Variants in FRMPD2 observed in about 807,000 individuals in gnomAD.
FRMPD2 encodes the protein FERM and PDZ domain containing 2.
A neutral mutation model predicts 140.1 loss-of-function variants in FRMPD2; 96 were observed. The observed-to-expected ratio is 0.69, with a 90% confidence interval of 0.58 to 0.81. FRMPD2 has a LOEUF of 0.81. Among genes scored for constraint, FRMPD2 ranks in the 40% least tolerant of loss-of-function variants. The pLI, the probability that FRMPD2 is intolerant of heterozygous loss-of-function variation, is 0.00. For synonymous variants in FRMPD2, 449 were observed against 547.6 expected, an observed-to-expected ratio of 0.82 and a Z score of 2.52; for missense variants, 1,240 against 1,447.4, an observed-to-expected ratio of 0.86 and a Z score of 2.32.
At chr10:48,248,109 GCCTCC>G (rs1283849180) in intron 3 of FRMPD2, among the ~76,000 whole-genome samples, 1 of 152,160 alleles carries the variant, frequency 6.6e-6, no homozygotes, top group Non-Finnish European at 1.5e-5. Flanking sequence ...ATTCCAGAAT[GCCTCC>G]CGAGGGTAGC....
chr10:48,243,648 G>T (rs1366470125), intron 4 of FRMPD2, among the ~76,000 whole-genome samples: 2 of 152,220 alleles, frequency 1.3e-5, no homozygotes, highest in African/African-American at 4.8e-5. Context: ...GGCTCCAGGT[G>T]TGTCTCACTG....
chr10:48,262,312 C>T (rs773218736), intron 1 of FRMPD2, among the ~76,000 whole-genome samples: 31 of 152,108 alleles, frequency 2.0e-4, no homozygotes, highest in Non-Finnish European at 3.1e-4. Flanking sequence ...ATATACTATG[C>T]TAACACAAAT....
chr10:48,256,542 G>A (rs12251755), intron 1 of FRMPD2, among the ~76,000 whole-genome samples: 10,797 of 152,118 alleles, frequency 0.071, 1,292 homozygotes, highest in African/African-American at 0.25. Flanking sequence ...TTCATCTGTG[G>A]CTGGTTAGCG....
chr10:48,249,171 C>T lies in FRMPD2; in HGVS notation c.159G>A (p.Ser53=), dbSNP rs115963067. The T allele has an allele frequency of 4.9e-4, 794 of 1,613,620 alleles. 10 individuals are homozygous for T. The East Asian group carries it at 0.014, about 28-fold the overall frequency. Residue 53 remains serine, a synonymous_variant, in exon 3 of 29, where the codon TCG becomes TCA. Coordinates refer to ENST00000374201, the MANE Select transcript of FRMPD2 (RefSeq NM_001018071.4). The stretch of plus-strand genomic sequence containing the variant: ...CTGACCAGGGGCAAACCACATAGTC[C>T]GAGGAATCTGAAACCAAGCCAGTGA... The part of the protein sequence containing the change: ...QLLEDLRNDS[S]DYVVCPWSAL...
chr10:48,212,715 C>T (rs1839358454), intron 12 of FRMPD2, among the ~76,000 whole-genome samples: 1 of 152,124 alleles, frequency 6.6e-6, no homozygotes, highest in South Asian at 2.1e-4. Flanking sequence ...AAAGGGGAGA[C>T]TGGATACCCC....
intron 27 of FRMPD2, 92 bp from the exon 28 acceptor site, chr10:48,163,763 C>T (rs568261655): frequency 1.4e-5 from 9 of 646,068 alleles, no homozygotes; most frequent in East Asian, 5.4e-5. Context: ...GATTATAGAT[C>T]AGAGTAGTTA....
rs139464531 is a variant in FRMPD2 at position 48,244,873 on chromosome 10, T to C, written c.310-24A>G. On this transcript the variant is annotated intron_variant, in intron 3 of 28. Coordinates refer to ENST00000374201, the MANE Select transcript of FRMPD2 (RefSeq NM_001018071.4). ...ATCTGCCCAAAAGAAGAGTACATGA[T>C]TAGATTTCAATCATCTCTGTTATTC... The C allele has an allele frequency of 3.2e-6, 5 of 1,540,888 alleles. No homozygotes were observed. The East Asian group carries it at 9.0e-5, about 28-fold the overall frequency.
At position 48,243,579 on chromosome 10, in the gene FRMPD2, G is replaced by A. The variant is rs146940588; in HGVS notation, c.375+1205C>T. On this transcript the variant is annotated intron_variant, in intron 4 of 28. Transcript: ENST00000374201. ...ACTCAGGACACACACCCAGGAAGCC[G>A]GTCCTGATTATGGCAGAGTGCCAAA... Among the ~76,000 whole-genome samples the A allele has an allele frequency of 3.3e-3, 499 of 152,284 alleles. 9 individuals are homozygous for A. The highest frequency in any genetic ancestry group is 0.012 in the Admixed American group (190 of 15,306).
chr10:48,221,630 G>A (rs1839588379), intron 12 of FRMPD2, among the ~76,000 whole-genome samples: 1 of 152,060 alleles, frequency 6.6e-6, no homozygotes, highest in South Asian at 2.1e-4. Context: ...ATAAAGGTTG[G>A]CTATTACTAT....
Position 48,232,160 on chromosome 10 carries a change from C to A in FRMPD2, c.1123G>T (p.Ala375Ser). The A allele has an allele frequency of 6.2e-7, 1 of 1,614,198 alleles. No homozygotes were observed. The highest frequency in any genetic ancestry group is 8.5e-7 in the Non-Finnish European group (1 of 1,180,036). Residue 375 changes from alanine to serine, a missense_variant, in exon 10 of 29, where the codon GCC (alanine) becomes TCC (serine). Coordinates refer to ENST00000374201, the MANE Select transcript of FRMPD2 (RefSeq NM_001018071.4). ...GAVFNAVTSFANLEELTYFGL... is the reference protein window; with the variant it reads ...GAVFNAVTSFSNLEELTYFGL... ...AAGTAGGTGAGTTCCTCGAGGTTGG[C>A]AAAGGATGTCACGGCATTGAAGACA... is the stretch of plus-strand genomic sequence containing the variant.
intron 7 of FRMPD2, among the ~76,000 whole-genome samples, chr10:48,238,665 A>AG (rs1274467415): frequency 6.6e-6 from 1 of 152,238 alleles, no homozygotes; most frequent in Non-Finnish European, 1.5e-5. Flanking sequence ...AGCCCTCAAC[A>AG]GGTCACCATG....
intron 12 of FRMPD2, among the ~76,000 whole-genome samples, chr10:48,220,970 A>G (rs554967682): frequency 6.6e-6 from 1 of 152,320 alleles, no homozygotes; most frequent in Admixed American, 6.5e-5. Context: ...GTAAAAAGGG[A>G]ACACTTTTAT....
chr10:48,239,128 C>T (rs979685646), intron 7 of FRMPD2, among the ~76,000 whole-genome samples: 3 of 152,158 alleles, frequency 2.0e-5, no homozygotes, highest in Non-Finnish European at 2.9e-5. Context: ...CCATTCACCC[C>T]GCAGGAGAAG....
At chr10:48,215,360 A>G (rs962378314) in intron 12 of FRMPD2, among the ~76,000 whole-genome samples, 7 of 152,284 alleles carry the variant, frequency 4.6e-5, no homozygotes, top group Middle Eastern at 3.4e-3. Context: ...GCCTCACTCA[A>G]TGACCTTTGA....
intron 14 of FRMPD2, among the ~76,000 whole-genome samples, chr10:48,203,139 A>G (rs892863632): frequency 3.9e-5 from 6 of 152,180 alleles, no homozygotes; most frequent in Admixed American, 3.3e-4. Flanking sequence ...TTTTTAACAA[A>G]TCTGAAAAGG....
At chr10:48,260,152 T>C (rs1026590896) in intron 1 of FRMPD2, among the ~76,000 whole-genome samples, 1 of 151,906 alleles carries the variant, frequency 6.6e-6, no homozygotes, top group African/African-American at 2.4e-5. Flanking sequence ...TAAGAATAGA[T>C]AGATAGATTG....
At chr10:48,252,220 G>C (rs948147599) in intron 1 of FRMPD2, among the ~76,000 whole-genome samples, 1 of 152,164 alleles carries the variant, frequency 6.6e-6, no homozygotes, top group Non-Finnish European at 1.5e-5. Flanking sequence ...TCACTAGACA[G>C]AAGTATAAGC....
chr10:48,263,715 C>T (rs1304288453), intron 1 of FRMPD2, among the ~76,000 whole-genome samples: 3 of 152,084 alleles, frequency 2.0e-5, no homozygotes, highest in Non-Finnish European at 2.9e-5. Flanking sequence ...GTCTACCAAA[C>T]ATTTAAGGAA....
chr10:48,210,071 C>T (rs1839284361), intron 13 of FRMPD2, among the ~76,000 whole-genome samples: 1 of 152,138 alleles, frequency 6.6e-6, no homozygotes, highest in Admixed American at 6.5e-5. Context: ...CTAAATGTAA[C>T]TGTGCTATCT....
Sources: allele counts gnomAD v4.1 joint callset (sites outside exome capture counted in the v4.1 genomes callset), GRCh38; gene constraint gnomAD v4.1.1; transcripts MANE v1.5; gene names NCBI Gene and HGNC (gene_info 2026-07-23, HGNC 2026-07-21).